EML6: variants seen among roughly 807,000 people sequenced by gnomAD.
EML6 encodes EMAP like 6.
EML6 carries 154 observed loss-of-function variants against 240.1 expected under a neutral mutation model. That is an observed-to-expected ratio of 0.64 (90% confidence interval 0.56 to 0.73). The LOEUF is 0.73. Among genes scored for constraint, EML6 ranks in the 30% least tolerant of loss-of-function variants. The pLI is 0.00. For missense variants in EML6, 2,964 were observed against 2,474.6 expected (o/e 1.20, Z -4.20); for synonymous variants, 1,148 against 899.0 (o/e 1.28, Z -4.95).
At chr2:54,966,489 C>T (rs1346859368) in intron 38 of EML6, among the ~76,000 whole-genome samples, 1 of 152,208 alleles carries the variant, frequency 6.6e-6, no homozygotes, top group Non-Finnish European at 1.5e-5. Context: ...TCCCAGAGCA[C>T]CGAGGTTCAG....
At chr2:54,910,202 T>G (rs1051231848) in intron 24 of EML6, among the ~76,000 whole-genome samples, 1 of 152,142 alleles carries the variant, frequency 6.6e-6, no homozygotes, top group Non-Finnish European at 1.5e-5. Flanking sequence ...TCTATACATG[T>G]TTGAAACTTT....
intron 7 of EML6, among the ~76,000 whole-genome samples, chr2:54,837,524 CTTGT>C (rs1410579258): frequency 6.6e-6 from 1 of 152,162 alleles, no homozygotes; most frequent in Non-Finnish European, 1.5e-5. Context: ...GCAGGGCTTG[CTTGT>C]TTATCTCAAA....
intron 26 of EML6, among the ~76,000 whole-genome samples, chr2:54,924,642 A>T (rs1280165184): frequency 6.6e-6 from 1 of 152,226 alleles, no homozygotes; most frequent in African/African-American, 2.4e-5. Context: ...GCTCACTGCA[A>T]CCTCTGTCTC....
chr2:54,914,346 G>C (rs1212493162), intron 25 of EML6, among the ~76,000 whole-genome samples: 1 of 152,114 alleles, frequency 6.6e-6, no homozygotes, highest in African/African-American at 2.4e-5. Flanking sequence ...TTCTCCTGTG[G>C]ATTTAAGTGT....
At chr2:54,898,585 A>G (rs112446844) in intron 21 of EML6, among the ~76,000 whole-genome samples, 9 of 152,206 alleles carry the variant, frequency 5.9e-5, no homozygotes, top group African/African-American at 2.2e-4. Context: ...TGTATTTGGA[A>G]CTTTACATCT....
intron 17 of EML6, among the ~76,000 whole-genome samples, chr2:54,885,987 T>A (rs886203718): frequency 6.6e-6 from 1 of 152,168 alleles, no homozygotes; most frequent in African/African-American, 2.4e-5. Flanking sequence ...TTCACATTCA[T>A]GTAGCCATAA....
chr2:54,795,127 A>G (rs999681019), intron 2 of EML6, among the ~76,000 whole-genome samples: 10 of 152,238 alleles, frequency 6.6e-5, no homozygotes, highest in African/African-American at 2.4e-4. Context: ...TAAAATGAGT[A>G]TAGTGAGTTT....
At chr2:54,827,845 C>A in intron 6 of EML6, 94 bp downstream of exon 6, 3 of 884,938 alleles carry the variant, frequency 3.4e-6, no homozygotes, top group Non-Finnish European at 3.5e-6. Context: ...GCTTTAGAAT[C>A]AGAGAACCCT....
At chr2:54,926,214 G>A (rs1339030068) in intron 26 of EML6, among the ~76,000 whole-genome samples, 1 of 152,162 alleles carries the variant, frequency 6.6e-6, no homozygotes, top group Admixed American at 6.5e-5. Context: ...CAATTCTCCT[G>A]CCTCAGCCTC....
chr2:54,739,160 A>T (rs1683526358), intron 2 of EML6, among the ~76,000 whole-genome samples: 1 of 152,236 alleles, frequency 6.6e-6, no homozygotes, highest in Admixed American at 6.5e-5. Context: ...TGGTTATAAA[A>T]ATAGTTTTAA....
At chr2:54,849,841 C>A in intron 9 of EML6, 121 bp from the exon 10 acceptor site, 1 of 775,282 alleles carries the variant, frequency 1.3e-6, no homozygotes, top group Non-Finnish European at 2.0e-6. Flanking sequence ...AAAGTTAATC[C>A]TTTAATTCCT....
rs76249632 is a variant in EML6 at position 54,927,104 on chromosome 2, C to A, written c.3676-1209C>A. ...TTCAAATGGGTTTTTCTTGGAAATT[C>A]TTTTGTTCTGCCTATTTGCTAGCAA... is the stretch of plus-strand genomic sequence containing the variant. On this transcript the variant is annotated intron_variant, in intron 26 of 41. Transcript: ENST00000356458. 1.2e-3 allele frequency among the ~76,000 whole-genome samples: 187 copies of A among 152,240 alleles called. 2 individuals are homozygous for A. Among genetic ancestry groups the A allele is most frequent in the African/African-American group, 4.2e-3 (176 of 41,552 alleles).
intron 2 of EML6, among the ~76,000 whole-genome samples, chr2:54,782,447 A>G (rs1668893479): frequency 6.6e-6 from 1 of 152,098 alleles, no homozygotes; most frequent in Non-Finnish European, 1.5e-5. Flanking sequence ...GATTTTCCTA[A>G]ATTGGGGCTA....
At position 54,853,758 on chromosome 2, in the gene EML6, C is replaced by T. The variant is rs1368164355; in HGVS notation, c.1560C>T (p.Asp520=). The T allele has an allele frequency of 1.3e-6, 2 of 1,551,362 alleles. No homozygotes were observed. The highest frequency in any genetic ancestry group is 2.0e-5 in the Admixed American group (1 of 50,992). The change falls in exon 11 of 42, where the codon GAC becomes GAT. Residue 520 remains aspartate, a synonymous_variant. Transcript: ENST00000356458. ...GIWPKYTEVT[D]INSVDANYNS... is the part of the protein sequence containing the mutation. The stretch of plus-strand genomic sequence containing the variant: ...GGCCCAAATACACTGAGGTTACTGA[C>T]ATCAACTCAGTGGATGCGAATTACA...
chr2:54,837,042 C>T (rs1266733394), intron 7 of EML6, among the ~76,000 whole-genome samples: 1 of 152,116 alleles, frequency 6.6e-6, no homozygotes, highest in Non-Finnish European at 1.5e-5. Context: ...TTTTCCACAC[C>T]CTCTACCAAT....
intron 19 of EML6, 98 bp downstream of exon 19, chr2:54,892,754 G>T: frequency 1.2e-6 from 1 of 860,500 alleles, no homozygotes; most frequent in Non-Finnish European, 1.8e-6. Context: ...TCTAAAACAG[G>T]CCTGTCTGAA....
intron 27 of EML6, 29 bp from the exon 28 acceptor site, chr2:54,928,596 G>T: frequency 6.4e-7 from 1 of 1,552,028 alleles, no homozygotes; most frequent in East Asian, 2.4e-5. Context: ...CAAACCAACT[G>T]GCTCCCCAAT....
At chr2:54,851,115 A>T (rs1479842820) in intron 10 of EML6, among the ~76,000 whole-genome samples, 1 of 152,206 alleles carries the variant, frequency 6.6e-6, no homozygotes, top group African/African-American at 2.4e-5. Flanking sequence ...CTTGGAAAGA[A>T]TAACCCAATG....
At chr2:54,800,779 G>A (rs927456323) in intron 2 of EML6, among the ~76,000 whole-genome samples, 4 of 152,174 alleles carry the variant, frequency 2.6e-5, no homozygotes, top group East Asian at 3.9e-4. Flanking sequence ...CCAATACGGG[G>A]GAAGAGAAGG....
Sources: gnomAD v4.1 joint callset for allele counts (sites outside exome capture counted in the v4.1 genomes callset) on GRCh38, gnomAD v4.1.1 for gene constraint, MANE v1.5 for transcripts, NCBI Gene and HGNC (gene_info 2026-07-23, HGNC 2026-07-21) for gene names.